The following SERPINA12 variants were observed in gnomAD, a reference collection of about 807,000 sequenced individuals.
SERPINA12 encodes serpin A12.
SERPINA12 carries 21 observed loss-of-function variants against 25.9 expected under a neutral mutation model. The ratio of observed to expected loss-of-function variants is 0.81; its 90% confidence interval spans 0.58 to 1.17. The LOEUF (loss-of-function observed/expected upper bound fraction) is 1.17, where lower values mean the gene tolerates loss of function less well. Among genes scored for constraint, SERPINA12 ranks in the 50% most tolerant of loss-of-function variants. The pLI is 0.00. For synonymous variants in SERPINA12, 220 were observed against 196.0 expected (o/e 1.12, Z -1.02); for missense variants, 562 against 508.3 (o/e 1.11, Z -1.02).
At chr14:94,491,184 G>A (rs1451445716) in intron 3 of SERPINA12, among the ~76,000 whole-genome samples, 1 of 152,232 alleles carries the variant, frequency 6.6e-6, no homozygotes, top group Non-Finnish European at 1.5e-5. Flanking sequence ...CTGACTGTGT[G>A]TTCTAGCAGG....
At chr14:94,503,177 A>G (rs890906619) in intron 1 of SERPINA12, 17 of 981,830 alleles carry the variant, frequency 1.7e-5, no homozygotes, top group Middle Eastern at 5.2e-4. Flanking sequence ...TTATTTTTAA[A>G]AGCACATTTA....
intron 1 of SERPINA12, among the ~76,000 whole-genome samples, chr14:94,508,862 T>C (rs1901024151): frequency 1.3e-5 from 2 of 152,302 alleles, no homozygotes; most frequent in Admixed American, 1.3e-4. Flanking sequence ...ATTTTCCTCA[T>C]CTTATTTTCT....
upstream of SERPINA12, among the ~76,000 whole-genome samples, chr14:94,509,723 G>A (rs1159184480): frequency 6.6e-6 from 1 of 152,194 alleles, no homozygotes; most frequent in Non-Finnish European, 1.5e-5. Context: ...AAGGTGCTCT[G>A]TAGATTCACT....
At chr14:94,503,925 T>C (rs1041371942) in intron 1 of SERPINA12, 1 of 152,214 alleles carries the variant, frequency 6.6e-6, no homozygotes, top group Non-Finnish European at 1.5e-5. Context: ...AGAAAAGCAC[T>C]GGGCAGTAGA....
Position 94,498,053 on chromosome 14 carries a change from G to A in SERPINA12, c.345C>T (p.Gly115=). 6.2e-7 allele frequency: 1 copy of A among 1,614,160 alleles called. No homozygotes were observed. Among genetic ancestry groups the A allele is most frequent in the Non-Finnish European group, 8.5e-7 (1 of 1,180,036 alleles). The change falls in exon 2 of 5, where the codon GGC becomes GGT. Residue 115 remains glycine (G), a synonymous_variant. Coordinates refer to ENST00000677451, the MANE Select transcript of SERPINA12 (RefSeq NM_001382267.1). The stretch of plus-strand genomic sequence containing the variant: ...TCAGCTCGTGGATGATGTAATGGAA[G>A]CCCTCATGAAGATCTTTTTCTGGCA... ...RKMPEKDLHE[G]FHYIIHELTQ...
At chr14:94,507,688 C>T (rs1326927177) in intron 1 of SERPINA12, among the ~76,000 whole-genome samples, 1 of 152,166 alleles carries the variant, frequency 6.6e-6, no homozygotes, top group African/African-American at 2.4e-5. Flanking sequence ...TTAAAAGGAC[C>T]AGCCACACGA....
At chr14:94,514,213 C>A (rs1056142778), upstream of SERPINA12, among the ~76,000 whole-genome samples, 4 of 152,214 alleles carry the variant, frequency 2.6e-5, no homozygotes, top group African/African-American at 9.7e-5. Context: ...CCTCATATAA[C>A]TTTAATTATT....
At chr14:94,489,517 G>T in intron 4 of SERPINA12, 103 bp downstream of exon 4, 1 of 1,344,372 alleles carries the variant, frequency 7.4e-7, no homozygotes, top group Non-Finnish European at 1.0e-6. Flanking sequence ...CCGACTGGTG[G>T]GTGGAGTCTC....
upstream of SERPINA12, among the ~76,000 whole-genome samples, chr14:94,511,043 A>G (rs559909887): frequency 6.6e-6 from 1 of 152,298 alleles, no homozygotes; most frequent in African/African-American, 2.4e-5. Flanking sequence ...ACCGCTAAAT[A>G]ACTTAATCCA....
intron 3 of SERPINA12, among the ~76,000 whole-genome samples, 163 bp from the exon 4 acceptor site, chr14:94,489,930 G>A (rs921370492): frequency 1.4e-4 from 21 of 152,148 alleles, no homozygotes; most frequent in African/African-American, 5.1e-4. Context: ...TGGGACCCTG[G>A]TTTCAAAACA....
intron 2 of SERPINA12, among the ~76,000 whole-genome samples, chr14:94,514,526 G>T (rs1180472162): frequency 6.6e-6 from 1 of 152,234 alleles, no homozygotes; most frequent in African/African-American, 2.4e-5. Context: ...ACTGAGCAGG[G>T]CTGGGGTCGG....
In SERPINA12 at chr14:94,500,998, A is replaced by T. The variant is rs933168713; in HGVS notation, c.-33-2568T>A. 6 of 985,004 alleles carry T rather than the reference A, an allele frequency of 6.1e-6. No homozygotes were observed. In the African/African-American group the frequency reaches 1.1e-4, roughly 17 times the overall value. 61.0% of individuals were successfully genotyped at this position (985,004 alleles called of 1,614,324 possible). A position where few individuals can be genotyped will look rare whatever the true frequency, so the allele number is the denominator to read the frequency against. Reference sequence around the variant, plus strand: ...CCTCTCTGAACCTGGGTGCTCTCTAAGCACCTTCTACCCCCAAAAACCACT... The same window carrying T: ...CCTCTCTGAACCTGGGTGCTCTCTATGCACCTTCTACCCCCAAAAACCACT... On this transcript the variant is annotated intron_variant, in intron 1 of 4. Transcript: ENST00000677451.
intron 1 of SERPINA12, among the ~76,000 whole-genome samples, chr14:94,516,829 C>T (rs1022848216): frequency 1.3e-5 from 2 of 152,200 alleles, no homozygotes; most frequent in Non-Finnish European, 2.9e-5. Context: ...TCAAACACTT[C>T]TGAACACAGG....
chr14:94,511,471 G>A (rs1901108693), upstream of SERPINA12: 4 of 985,274 alleles, frequency 4.1e-6, no homozygotes, highest in Non-Finnish European at 4.8e-6. Flanking sequence ...AGAAATCAAG[G>A]AAATTCTGGA....
chr14:94,514,702 A>C (rs1443915450), intron 2 of SERPINA12, among the ~76,000 whole-genome samples: 1 of 152,152 alleles, frequency 6.6e-6, no homozygotes. Context: ...CCCAGATCTA[A>C]GGACTCAGAG....
chr14:94,489,790 G>A, intron 3 of SERPINA12, 23 bp from the exon 4 acceptor site: 1 of 1,611,976 alleles, frequency 6.2e-7, no homozygotes, highest in Non-Finnish European at 8.5e-7. Flanking sequence ...CACGACAAGG[G>A]TGAGTGGTCA....
In SERPINA12 at chr14:94,498,247, G is replaced by T; in HGVS notation, c.151C>A (p.Gln51Lys). ...QRMAAKELAR[Q>K]NMDLGFKLLK... The stretch of plus-strand genomic sequence containing the variant: ...AGCTTAAAGCCTAAGTCCATGTTCT[G>T]CCTTGCAAGCTCCTTGGCTGCCATC... The change falls in exon 2 of 5, where the codon CAG (glutamine) becomes AAG (lysine). Residue 51 changes from glutamine (Q) to lysine (K), a missense_variant. Coordinates refer to ENST00000677451, the MANE Select transcript of SERPINA12 (RefSeq NM_001382267.1). 1 of 1,614,176 alleles carries T rather than the reference G, an allele frequency of 6.2e-7. No homozygotes were observed. The highest frequency in any genetic ancestry group is 1.7e-5 in the Admixed American group (1 of 60,020).
intron 3 of SERPINA12, among the ~76,000 whole-genome samples, chr14:94,491,377 G>T (rs1998207): frequency 0.34 from 51,866 of 151,944 alleles, 9,249 homozygotes; most frequent in East Asian, 0.44. Context: ...ACAAATTGGG[G>T]TTTTTTTTCC....
chr14:94,500,074 T>C (rs879278784), intron 1 of SERPINA12, among the ~76,000 whole-genome samples: 12 of 152,198 alleles, frequency 7.9e-5, no homozygotes, highest in Non-Finnish European at 1.6e-4. Context: ...AATAAGCAGA[T>C]GAATGAACAC....
Sources: gnomAD v4.1 joint callset for allele counts (sites outside exome capture counted in the v4.1 genomes callset) on GRCh38, gnomAD v4.1.1 for gene constraint, MANE v1.5 for transcripts, NCBI Gene and HGNC (gene_info 2026-07-23, HGNC 2026-07-21) for gene names.